UGT1A8: variants seen among roughly 807,000 people sequenced by gnomAD.
UGT1A8 encodes UDP-glucuronosyltransferase 1A8.
Under a neutral mutation model 45.3 loss-of-function variants are expected in UGT1A8, and 39 were observed. The ratio of observed to expected loss-of-function variants is 0.86; its 90% confidence interval spans 0.67 to 1.12. The LOEUF is 1.12. Among genes scored for constraint, UGT1A8 ranks in the 50% most tolerant of loss-of-function variants. The pLI is 0.00. For synonymous variants in UGT1A8, 275 were observed against 249.2 expected (o/e 1.10, Z -0.97); for missense variants, 719 against 664.9 (o/e 1.08, Z -0.90).
chr2:233,700,628 T>G (rs1178999568), intron 1 of UGT1A8, among the ~76,000 whole-genome samples: 1 of 152,192 alleles, frequency 6.6e-6, no homozygotes, highest in African/African-American at 2.4e-5. Flanking sequence ...TCCAGTAAGA[T>G]TTAATGACTT....
intron 1 of UGT1A8, among the ~76,000 whole-genome samples, chr2:233,687,219 G>T (rs1271855173): frequency 6.6e-6 from 1 of 152,128 alleles, no homozygotes; most frequent in Non-Finnish European, 1.5e-5. Flanking sequence ...GCATTTTCCA[G>T]CACAATTATC....
At position 233,769,418 on chromosome 2, in the gene UGT1A8, C is replaced by T; in HGVS notation, c.1295+979C>T. The T allele has an allele frequency of 1.4e-6, 2 of 1,431,096 alleles. No individual in the cohort carries two copies. The highest frequency in any genetic ancestry group is 1.9e-6 in the Non-Finnish European group (2 of 1,028,754). The allele number at this position is 1,431,096 out of a possible 1,614,324, so 88.6% of individuals were successfully genotyped here. ...GTGCATATGTGCGTGTGCGTTTGTG[C>T]ATGTGGCTGTGCTCATGTGTGGGTG... On this transcript the variant is annotated intron_variant, in intron 4 of 4. Transcript: ENST00000373450. The surrounding 1 kb of genome is among the most constrained non-coding windows in gnomAD (Gnocchi z 4.4).
At chr2:233,737,905 A>C (rs1690628626) in intron 1 of UGT1A8, among the ~76,000 whole-genome samples, 1 of 152,094 alleles carries the variant, frequency 6.6e-6, no homozygotes. Flanking sequence ...AGTGTGGTAA[A>C]GAACAGGCTA....
At chr2:233,691,469 C>T (rs183049628) in intron 1 of UGT1A8, 3 of 985,780 alleles carry the variant, frequency 3.0e-6, no homozygotes, top group East Asian at 1.1e-4. Flanking sequence ...AGAACACCTC[C>T]GGTGCCAAAC....
At chr2:233,759,581 G>A (rs1697180205) in intron 1 of UGT1A8, among the ~76,000 whole-genome samples, 2 of 151,312 alleles carry the variant, frequency 1.3e-5, no homozygotes, top group Admixed American at 6.6e-5. Context: ...CTCTACCCCA[G>A]CACGCCCCCC....
chr2:233,716,067 T>C (rs1328183312), intron 1 of UGT1A8, among the ~76,000 whole-genome samples: 2 of 152,250 alleles, frequency 1.3e-5, no homozygotes, highest in Non-Finnish European at 2.9e-5. Flanking sequence ...AGTTGTATTC[T>C]TTCCACTGAG....
chr2:233,738,357 G>C (rs1375014777), intron 1 of UGT1A8, among the ~76,000 whole-genome samples: 1 of 152,206 alleles, frequency 6.6e-6, no homozygotes, highest in Non-Finnish European at 1.5e-5. Flanking sequence ...GGAGAGTGGG[G>C]TACTGCTATA....
chr2:233,695,414 G>A (rs536315425), intron 1 of UGT1A8, among the ~76,000 whole-genome samples: 97 of 145,054 alleles, frequency 6.7e-4, no homozygotes, highest in African/African-American at 2.3e-3. Flanking sequence ...GTGAGCTACC[G>A]CGCCCGGCCT....
intron 1 of UGT1A8, among the ~76,000 whole-genome samples, chr2:233,656,528 G>A (rs952930746): frequency 4.6e-4 from 70 of 152,338 alleles, no homozygotes; most frequent in African/African-American, 1.6e-3. Flanking sequence ...TGTGGCAGTT[G>A]GAACATAGTT....
intron 1 of UGT1A8, chr2:233,681,750 A>C: frequency 1.2e-6 from 1 of 816,034 alleles, no homozygotes; most frequent in Non-Finnish European, 1.5e-6. Context: ...ACATATAAGC[A>C]GGTATCTCAG....
intron 1 of UGT1A8, among the ~76,000 whole-genome samples, chr2:233,702,670 T>C (rs1481483329): frequency 6.6e-6 from 1 of 152,212 alleles, no homozygotes; most frequent in African/African-American, 2.4e-5. Flanking sequence ...ATTCTTATCA[T>C]ACCTGAGGTG....
At chr2:233,760,317 A>G (rs772038779) in intron 1 of UGT1A8, 2 of 1,613,898 alleles carry the variant, frequency 1.2e-6, no homozygotes, top group African/African-American at 2.7e-5. Context: ...GCGGACGCCC[A>G]CTTGTCCTGG....
chr2:233,628,054 C>A (rs796659131), intron 1 of UGT1A8, among the ~76,000 whole-genome samples: 24 of 152,148 alleles, frequency 1.6e-4, no homozygotes, highest in African/African-American at 5.8e-4. Context: ...GAGGTAGCTA[C>A]AAAATTATTA....
At chr2:233,640,780 G>A (rs2073430566) in intron 1 of UGT1A8, among the ~76,000 whole-genome samples, 1 of 152,054 alleles carries the variant, frequency 6.6e-6, no homozygotes, top group Non-Finnish European at 1.5e-5. Flanking sequence ...CTATACCCTT[G>A]GTCAGTAGGA....
intron 1 of UGT1A8, among the ~76,000 whole-genome samples, chr2:233,702,287 A>G (rs1181486137): frequency 6.6e-6 from 1 of 152,220 alleles, no homozygotes. Context: ...CCTTTAGCAT[A>G]AAGAGTTTTG....
intron 1 of UGT1A8, among the ~76,000 whole-genome samples, chr2:233,757,752 A>G (rs979747575): frequency 2.0e-5 from 3 of 151,642 alleles, no homozygotes; most frequent in African/African-American, 7.3e-5. Flanking sequence ...GGACATGTTT[A>G]TGTTGCTCCT....
chr2:233,749,977 G>A (rs2221198), intron 1 of UGT1A8, among the ~76,000 whole-genome samples: 68,794 of 151,608 alleles, frequency 0.45, 16,248 homozygotes, highest in South Asian at 0.58. Flanking sequence ...ATAGCAGTGT[G>A]AGAATGGACT....
intron 1 of UGT1A8, chr2:233,672,616 C>T (rs1179620404): frequency 4.3e-6 from 7 of 1,613,754 alleles, no homozygotes; most frequent in East Asian, 4.5e-5. Flanking sequence ...CAAAAATGCC[C>T]TAGAAATAGC....
At chr2:233,637,346 T>A (rs2073324630) in intron 1 of UGT1A8, 2 of 1,613,834 alleles carry the variant, frequency 1.2e-6, no homozygotes, top group South Asian at 2.2e-5. Context: ...ATTGGTGGTA[T>A]CAACTGTCAT....
Sources: allele counts gnomAD v4.1 joint callset (sites outside exome capture counted in the v4.1 genomes callset), GRCh38; gene constraint gnomAD v4.1.1; non-coding constraint Gnocchi (gnomAD v3.1); transcripts MANE v1.5; gene names NCBI Gene and HGNC (gene_info 2026-07-23, HGNC 2026-07-21).